The following PDE3A variants were observed in gnomAD, a reference collection of about 807,000 sequenced individuals.
The protein encoded by PDE3A is cGMP-inhibited 3',5'-cyclic phosphodiesterase 3A.
PDE3A carries 43 observed loss-of-function variants against 98.3 expected under a neutral mutation model. The ratio of observed to expected loss-of-function variants is 0.44; its 90% CI spans 0.34 to 0.56. PDE3A has a LOEUF of 0.56. PDE3A is among the 20% of genes least tolerant of loss of function. The pLI, the probability that PDE3A is intolerant of heterozygous loss-of-function variation, is 0.01. For missense variants in PDE3A, 1,427 were observed against 1,440.7 expected (o/e 0.99, Z 0.15); for synonymous variants, 663 against 567.9 (o/e 1.17, Z -2.38).
At chr12:20,376,931 C>T (rs1943582588) in intron 1 of PDE3A, among the ~76,000 whole-genome samples, 1 of 151,798 alleles carries the variant, frequency 6.6e-6, no homozygotes, top group Admixed American at 6.6e-5. Context: ...ATTTAGGAAT[C>T]TGTGAATGAT....
intron 1 of PDE3A, among the ~76,000 whole-genome samples, chr12:20,451,544 T>A (rs555432629): frequency 3.3e-5 from 5 of 152,226 alleles, no homozygotes; most frequent in African/African-American, 1.2e-4. Flanking sequence ...AGGTCTCAAG[T>A]GATCTGCCCG....
chr12:20,421,114 T>C (rs949976430), intron 1 of PDE3A, among the ~76,000 whole-genome samples: 1 of 152,162 alleles, frequency 6.6e-6, no homozygotes, highest in Non-Finnish European at 1.5e-5. Flanking sequence ...AGGATAGTTA[T>C]ATTAGACAAA....
At chr12:20,612,262 T>TA (rs397759059) in intron 2 of PDE3A, among the ~76,000 whole-genome samples, 125 of 151,188 alleles carry the variant, frequency 8.3e-4, no homozygotes, top group Admixed American at 1.5e-3. Context: ...TATATATATA[T>TA]TGGTTATTTA....
intron 1 of PDE3A, among the ~76,000 whole-genome samples, chr12:20,489,376 C>T (rs1945789806): frequency 1.3e-5 from 2 of 152,140 alleles, no homozygotes; most frequent in Non-Finnish European, 2.9e-5. Flanking sequence ...AGAAGCAAGT[C>T]TTGAGGTGGG....
chr12:20,634,122 A>C (rs895086006), intron 7 of PDE3A, among the ~76,000 whole-genome samples: 13 of 152,166 alleles, frequency 8.5e-5, no homozygotes, highest in African/African-American at 3.1e-4. Context: ...TTTTTAATAC[A>C]TTTATACATG....
intron 14 of PDE3A, among the ~76,000 whole-genome samples, chr12:20,651,174 TG>T (rs1944906809): frequency 6.6e-6 from 1 of 152,196 alleles, no homozygotes; most frequent in South Asian, 2.1e-4. Context: ...TCATTTGACA[TG>T]ATAACTAAGA....
rs558592954 is a variant in PDE3A, at chr12:20,450,128, G to A, written c.960+79884G>A. The stretch of plus-strand genomic sequence containing the variant: ...TGCTGCTCCTTTCCCAGAATGCATC[G>A]CAGCCCAACATTGCCATTTATTATG... On this transcript the variant is annotated intron_variant, in intron 1 of 15. Transcript: ENST00000359062. The A allele has an allele frequency of 1.3e-4, 55 of 427,914 alleles. 1 individual carries two copies. The highest frequency in any genetic ancestry group is 1.0e-3 in the East Asian group (22 of 21,008). 26.5% of individuals were successfully genotyped at this position (427,914 alleles called of 1,614,324 possible).
rs111458099 is a variant in PDE3A, at chr12:20,498,439, C to T, written c.961-58221C>T. On this transcript the variant is annotated intron_variant, in intron 1 of 15. Transcript: ENST00000359062. ...TGTGCAGACTTTAAATCATTATTCC[C>T]TAGACAGCAGACTATACCAACTATT... Among the ~76,000 whole-genome samples, 181 of 152,028 alleles carry T rather than the reference C, an allele frequency of 1.2e-3. No individual in the cohort carries two copies. In the Middle Eastern group the frequency reaches 0.014, roughly 11 times the overall value.
intron 1 of PDE3A, among the ~76,000 whole-genome samples, chr12:20,396,863 T>C (rs1944029540): frequency 6.6e-6 from 1 of 151,984 alleles, no homozygotes; most frequent in Admixed American, 6.6e-5. Flanking sequence ...TGTGACCAGT[T>C]CTGCTTGCTG....
intron 5 of PDE3A, among the ~76,000 whole-genome samples, chr12:20,628,275 T>C (rs1944310831): frequency 6.6e-6 from 1 of 152,218 alleles, no homozygotes; most frequent in Admixed American, 6.5e-5. Context: ...GTTAAAACCT[T>C]TGTGAACTTA....
chr12:20,671,432 T>C (rs1296534979), intron 15 of PDE3A, among the ~76,000 whole-genome samples: 1 of 152,102 alleles, frequency 6.6e-6, no homozygotes, highest in African/African-American at 2.4e-5. Flanking sequence ...TTGATGAACA[T>C]TGATGCAAAA....
chr12:20,662,089 C>T (rs895370785), intron 15 of PDE3A, among the ~76,000 whole-genome samples: 1 of 151,586 alleles, frequency 6.6e-6, no homozygotes, highest in African/African-American at 2.4e-5. Flanking sequence ...TTCCACCATG[C>T]TTGTCAGGTC....
chr12:20,493,564 AAC>A (rs1392485430), intron 1 of PDE3A, among the ~76,000 whole-genome samples: 1 of 152,054 alleles, frequency 6.6e-6, no homozygotes, highest in East Asian at 1.9e-4. Context: ...CAGACACACA[AAC>A]ACACACAGAT....
rs1945844517 is a variant in PDE3A, at chr12:20,683,238, C to T, written c.*2967C>T. ...GACATTTTCTGCCAGTAGAGTTCTCCCCCTTTTTGGTGACAGCAATATTAT... is the reference window on the plus strand; with the variant it reads ...GACATTTTCTGCCAGTAGAGTTCTCTCCCTTTTTGGTGACAGCAATATTAT... On this transcript the variant is annotated 3_prime_UTR_variant, in exon 16 of 16. Transcript: ENST00000359062. 1 of 152,096 alleles carries T rather than the reference C, an allele frequency of 6.6e-6. No homozygotes were observed. The highest frequency in any genetic ancestry group is 1.5e-5 in the Non-Finnish European group (1 of 68,022). 9.4% of individuals were successfully genotyped at this position (152,096 alleles called of 1,614,324 possible).
chr12:20,527,819 C>T (rs942039724), intron 1 of PDE3A, among the ~76,000 whole-genome samples: 4 of 151,586 alleles, frequency 2.6e-5, no homozygotes, highest in African/African-American at 7.3e-5. Flanking sequence ...TTTTTCCCCC[C>T]ATTATATTGT....
In PDE3A at chr12:20,462,922, C is replaced by T. The variant is rs908477253; in HGVS notation, c.960+92678C>T. Reference sequence around the variant, plus strand: ...CTCCTACTTCGGCCTCCTGAGTATACCACCATGCCAGGCTAATTTTTAATT... The same window carrying T: ...CTCCTACTTCGGCCTCCTGAGTATATCACCATGCCAGGCTAATTTTTAATT... On this transcript the variant is annotated intron_variant, in intron 1 of 15. Transcript: ENST00000359062. Among the ~76,000 whole-genome samples the T allele has an allele frequency of 3.9e-5, 6 of 152,010 alleles. No individual in the cohort carries two copies. In the East Asian group the frequency reaches 5.8e-4, roughly 15 times the overall value.
chr12:20,439,939 G>T (rs947339824), intron 1 of PDE3A, among the ~76,000 whole-genome samples: 4 of 151,970 alleles, frequency 2.6e-5, no homozygotes, highest in Admixed American at 2.0e-4. Flanking sequence ...CTACATAAAT[G>T]ATAATTTCCC....
intron 2 of PDE3A, among the ~76,000 whole-genome samples, chr12:20,580,742 G>A (rs1429501533): frequency 1.3e-5 from 2 of 152,126 alleles, no homozygotes; most frequent in Non-Finnish European, 2.9e-5. Flanking sequence ...TGTGTGCTAA[G>A]TCAGAGGAAT....
intron 1 of PDE3A, among the ~76,000 whole-genome samples, chr12:20,382,317 CAACA>C (rs902370983): frequency 1.3e-5 from 2 of 151,804 alleles, no homozygotes; most frequent in African/African-American, 4.8e-5. Flanking sequence ...CAATCCAATT[CAACA>C]AACAGTTTAA....
Sources: allele counts gnomAD v4.1 joint callset (sites outside exome capture counted in the v4.1 genomes callset), GRCh38; gene constraint gnomAD v4.1.1; transcripts MANE v1.5; gene names NCBI Gene and HGNC (gene_info 2026-07-23, HGNC 2026-07-21).